Variants in ADCYAP1R1 observed in about 807,000 individuals in gnomAD.
The protein encoded by ADCYAP1R1 is ADCYAP receptor type I, also known as pituitary adenylate cyclase-activating polypeptide type I receptor.
ADCYAP1R1 carries 44 observed loss-of-function variants against 67.6 expected under a neutral mutation model. That is an observed-to-expected ratio of 0.65 (90% CI 0.51 to 0.84). The LOEUF (loss-of-function observed/expected upper bound fraction) is 0.84. ADCYAP1R1 is among the 40% of genes least tolerant of loss of function. The pLI, the probability that ADCYAP1R1 is intolerant of heterozygous loss-of-function variation, is 0.00. For missense variants in ADCYAP1R1, 477 were observed against 587.9 expected, an observed-to-expected ratio of 0.81 and a Z score of 1.95; for synonymous variants, 222 against 219.6, an observed-to-expected ratio of 1.01 and a Z score of -0.10.
rs374714341 is a variant in ADCYAP1R1, at chr7:31,053,533, A to G, written c.-72+855A>G. Among the ~76,000 whole-genome samples the G allele has an allele frequency of 6.6e-5, 10 of 152,302 alleles. No individual in the cohort carries two copies. In the East Asian group the frequency reaches 1.7e-3, roughly 26 times the overall value. The stretch of plus-strand genomic sequence containing the variant: ...GGATGCAACTAGACCCTCAGGAGGG[A>G]ACCCAGCCGGAAGCCGATTGCATTT... On this transcript the variant is annotated intron_variant, in intron 1 of 15. Transcript: ENST00000304166.
intron 2 of ADCYAP1R1, 92 bp from the exon 3 acceptor site, chr7:31,064,739 C>G (rs772428846): frequency 6.0e-6 from 6 of 1,005,446 alleles, no homozygotes; most frequent in Non-Finnish European, 9.1e-6. Flanking sequence ...GCTCCCCACT[C>G]CCCCCAAGAC....
rs145713756 is a variant in ADCYAP1R1 at position 31,084,556 on chromosome 7, G to T, written c.439-181G>T. ...TGCAGAATGCTGACAGTGTGCAAAG[G>T]GGACCAAGAGGCTTGGCCAGGGGTG... On this transcript the variant is annotated intron_variant, in intron 7 of 15. Transcript: ENST00000304166. Among the ~76,000 whole-genome samples, 59 of 152,340 alleles carry T rather than the reference G, an allele frequency of 3.9e-4. No homozygotes were observed. The East Asian group carries it at 0.011, about 28-fold the overall frequency.
At chr7:31,065,600 C>T (rs1794703220) in intron 3 of ADCYAP1R1, among the ~76,000 whole-genome samples, 1 of 152,212 alleles carries the variant, frequency 6.6e-6, no homozygotes, top group Non-Finnish European at 1.5e-5. Context: ...GGCACGATCC[C>T]TGGTAAGAAC....
chr7:31,078,859 C>T (rs1455327094), intron 4 of ADCYAP1R1, among the ~76,000 whole-genome samples: 2 of 152,098 alleles, frequency 1.3e-5, no homozygotes, highest in Admixed American at 6.5e-5. Context: ...GGCTTGGAGG[C>T]GCGGGTGTGC....
chr7:31,057,048 A>G (rs1437547172), intron 1 of ADCYAP1R1: 2 of 152,250 alleles, frequency 1.3e-5, no homozygotes, highest in Non-Finnish European at 2.9e-5. Context: ...GCGTCTGCAC[A>G]AAGGGAAAGG....
chr7:31,081,378 C>T (rs930807628), intron 5 of ADCYAP1R1, among the ~76,000 whole-genome samples: 1 of 152,082 alleles, frequency 6.6e-6, no homozygotes, highest in Non-Finnish European at 1.5e-5. Context: ...TTTGAAAAGG[C>T]CCAACCATCC....
At chr7:31,087,596 G>C in intron 11 of ADCYAP1R1, 31 bp from the exon 12 acceptor site, 1 of 1,608,872 alleles carries the variant, frequency 6.2e-7, no homozygotes, top group South Asian at 1.1e-5. Flanking sequence ...ACTCACAGAC[G>C]TGATCTTGCT....
Position 31,102,570 on chromosome 7 carries a change from C to T in ADCYAP1R1, c.1047-667C>T, listed in dbSNP as rs758678120. 1.3e-5 allele frequency among the ~76,000 whole-genome samples: 2 copies of T among 152,228 alleles called. No homozygotes were observed. Among genetic ancestry groups the T allele is most frequent in the Non-Finnish European group, 2.9e-5 (2 of 68,036 alleles). On this transcript the variant is annotated intron_variant, in intron 13 of 15. Coordinates refer to ENST00000304166, the MANE Select transcript of ADCYAP1R1 (RefSeq NM_001118.5). This position sits in a 1 kb window ranked among gnomAD's most constrained non-coding sequence, Gnocchi z 4.3. ...AGTCCTCCGGCCCTTCCTCCCCTGC[C>T]TGGCCCACTTCAGAGCATTCTCTTC...
chr7:31,062,046 C>T lies in ADCYAP1R1; in HGVS notation c.-71-1148C>T, dbSNP rs150620243. Among the ~76,000 whole-genome samples the T allele has an allele frequency of 1.3e-3, 192 of 152,284 alleles. 1 individual carries two copies. Among genetic ancestry groups the T allele is most frequent in the Admixed American group, 8.0e-3 (122 of 15,304 alleles). On this transcript the variant is annotated intron_variant, in intron 1 of 15. Coordinates refer to ENST00000304166, the MANE Select transcript of ADCYAP1R1 (RefSeq NM_001118.5). ...GAGCCTATTTAGCAGTGCCTGTTGA[C>T]GGATGCTTTGCTGTCCCATTTTTTA...
At chr7:31,061,875 A>G (rs1302164644) in intron 1 of ADCYAP1R1, among the ~76,000 whole-genome samples, 1 of 151,864 alleles carries the variant, frequency 6.6e-6, no homozygotes, top group Non-Finnish European at 1.5e-5. Context: ...ATGCACATGT[A>G]GGATTTGCTT....
chr7:31,062,426 G>A (rs1349547704), intron 1 of ADCYAP1R1, among the ~76,000 whole-genome samples: 1 of 152,142 alleles, frequency 6.6e-6, no homozygotes, highest in African/African-American at 2.4e-5. Context: ...AGTGAGGTAG[G>A]GCAAAAAGTG....
At position 31,086,053 on chromosome 7, in the gene ADCYAP1R1, G is replaced by A. The variant is rs1795731376; in HGVS notation, c.670-331G>A. 6.6e-6 allele frequency among the ~76,000 whole-genome samples: 1 copy of A among 152,198 alleles called. No individual in the cohort carries two copies. The highest frequency in any genetic ancestry group is 6.5e-5 in the Admixed American group (1 of 15,288). On this transcript the variant is annotated intron_variant, in intron 9 of 15. Coordinates refer to ENST00000304166, the MANE Select transcript of ADCYAP1R1 (RefSeq NM_001118.5). The surrounding 1 kb of genome is among the most constrained non-coding windows in gnomAD (Gnocchi z 5.0). ...TCCTCATTATACCAAGGAGCCTCCT[G>A]CAGGGTCCTCTGGCTGCTTCTCTCC...
chr7:31,092,563 T>C, intron 12 of ADCYAP1R1, 81 bp from the exon 13 acceptor site: 1 of 1,056,022 alleles, frequency 9.5e-7, no homozygotes, highest in South Asian at 1.3e-5. Context: ...CTTGACTAGG[T>C]GGGGGAGGGT....
At chr7:31,089,349 G>A (rs754823055) in intron 12 of ADCYAP1R1, among the ~76,000 whole-genome samples, 1 of 150,834 alleles carries the variant, frequency 6.6e-6, no homozygotes, top group African/African-American at 2.4e-5. Context: ...TTGTTTTGTA[G>A]GGATGATGTT....
chr7:31,065,315 C>G (rs1794689078), intron 3 of ADCYAP1R1, among the ~76,000 whole-genome samples: 1 of 152,306 alleles, frequency 6.6e-6, no homozygotes, highest in Middle Eastern at 3.4e-3. Flanking sequence ...TTGGTCAACC[C>G]AGGGCAGGAA....
intron 15 of ADCYAP1R1, among the ~76,000 whole-genome samples, chr7:31,105,228 A>G (rs1405016573): frequency 6.6e-6 from 1 of 152,144 alleles, no homozygotes; most frequent in East Asian, 1.9e-4. Context: ...TCCATAAGAC[A>G]CTCCGTGGTG....
At position 31,064,824 on chromosome 7, in the gene ADCYAP1R1, C is replaced by T. The variant is rs922666390; in HGVS notation, c.52-7C>T. Reference sequence around the variant, plus strand: ...GCTCCCACCATCCATCCTGTGTTCTCCTACAGGCCCCTGCCATGCATTCTG... The same window carrying T: ...GCTCCCACCATCCATCCTGTGTTCTTCTACAGGCCCCTGCCATGCATTCTG... On this transcript the variant is annotated splice_polypyrimidine_tract_variant and splice_region_variant and intron_variant, in intron 2 of 15. Transcript: ENST00000304166. The T allele has an allele frequency of 6.2e-7, 1 of 1,604,800 alleles. No homozygotes were observed. The highest frequency in any genetic ancestry group is 8.5e-7 in the Non-Finnish European group (1 of 1,174,736).
chr7:31,100,042 C>T, intron 13 of ADCYAP1R1: 2 of 1,351,944 alleles, frequency 1.5e-6, no homozygotes, highest in Admixed American at 4.0e-5. Context: ...CCATACCCTC[C>T]TCTTTTCTGC....
At chr7:31,077,939 G>A in intron 3 of ADCYAP1R1, 52 bp from the exon 4 acceptor site, 2 of 1,254,504 alleles carry the variant, frequency 1.6e-6, no homozygotes, top group African/African-American at 1.5e-5. Flanking sequence ...GGTGGTGTGT[G>A]TGTATGGGTG....
Sources: gnomAD v4.1 joint callset for allele counts (sites outside exome capture counted in the v4.1 genomes callset) on GRCh38, gnomAD v4.1.1 for gene constraint, Gnocchi (gnomAD v3.1) non-coding constraint, MANE v1.5 for transcripts, NCBI Gene and HGNC (gene_info 2026-07-23, HGNC 2026-07-21) for gene names.